Variants in BCL2L13 observed in about 807,000 individuals in gnomAD.
BCL2L13 encodes the protein bcl-2-like protein 13.
A neutral mutation model predicts 25.8 loss-of-function variants in BCL2L13; 13 were observed. The ratio of observed to expected loss-of-function variants is 0.50; its 90% CI spans 0.33 to 0.80. The LOEUF (loss-of-function observed/expected upper bound fraction) is 0.80. BCL2L13 is among the 30% of genes least tolerant of loss of function. The probability of loss-of-function intolerance (pLI) is 0.02; values close to 1 mark genes in which losing one functional copy is unlikely to be tolerated. For synonymous variants in BCL2L13, 244 were observed against 230.3 expected, an observed-to-expected ratio of 1.06 and a Z score of -0.54; for missense variants, 504 against 574.9, an observed-to-expected ratio of 0.88 and a Z score of 1.26.
chr22:17,718,948 C>G (rs1221011451), intron 6 of BCL2L13, among the ~76,000 whole-genome samples: 1 of 151,788 alleles, frequency 6.6e-6, no homozygotes, highest in Non-Finnish European at 1.5e-5. Flanking sequence ...TACTTGAGAT[C>G]AGGAGTTCAA....
chr22:17,727,224 A>G lies in BCL2L13; in HGVS notation c.1148A>G (p.Glu383Gly). ...ATSLFVELDE[E>G]EVKAATTEPT... Reference sequence around the variant, plus strand: ...TCTCTGTTTGTAGAACTTGATGAAGAAGAGGTGAAAGCAGCAACAACTGAA... The same window carrying G: ...TCTCTGTTTGTAGAACTTGATGAAGGAGAGGTGAAAGCAGCAACAACTGAA... The change falls in exon 7 of 7, where the codon GAA becomes GGA. Residue 383 changes from glutamate (E) to glycine (G), a missense_variant. Physicochemically the swap from Glu to Gly is moderately conservative, Grantham distance 98 (BLOSUM62 -2). Transcript: ENST00000317582. 6.2e-7 allele frequency: 1 copy of G among 1,614,250 alleles called. No individual in the cohort carries two copies. Among genetic ancestry groups the G allele is most frequent in the Non-Finnish European group, 8.5e-7 (1 of 1,180,044 alleles).
intron 1 of BCL2L13, among the ~76,000 whole-genome samples, chr22:17,630,217 C>CAAAAA (rs1491147593): frequency 4.2e-5 from 3 of 71,656 alleles, no homozygotes; most frequent in African/African-American, 1.4e-4. Flanking sequence ...GACTCCGTCT[C>CAAAAA]AAAAAAACAA....
chr22:17,647,777 A>G (rs1434804848), intron 1 of BCL2L13, among the ~76,000 whole-genome samples: 4 of 152,236 alleles, frequency 2.6e-5, no homozygotes, highest in African/African-American at 9.6e-5. Flanking sequence ...AACACATAGA[A>G]AAATGCTTTA....
At chr22:17,706,684 G>A in intron 6 of BCL2L13, 1 of 1,345,030 alleles carries the variant, frequency 7.4e-7, no homozygotes, top group Non-Finnish European at 9.8e-7. Flanking sequence ...GCCCGGTGAG[G>A]GCACAGACTG....
At chr22:17,669,564 C>G (rs1315274865) in intron 2 of BCL2L13, among the ~76,000 whole-genome samples, 1 of 152,168 alleles carries the variant, frequency 6.6e-6, no homozygotes, top group Non-Finnish European at 1.5e-5. Flanking sequence ...AAGATGGTAC[C>G]AGGTCATCCA....
chr22:17,721,180 A>AAT (rs1034523805), intron 6 of BCL2L13, among the ~76,000 whole-genome samples: 10 of 151,184 alleles, frequency 6.6e-5, no homozygotes, highest in African/African-American at 1.7e-4. Flanking sequence ...AAAAAAAAAA[A>AAT]ATATATATAT....
At chr22:17,679,087 C>T (rs576582647) in intron 2 of BCL2L13, among the ~76,000 whole-genome samples, 2 of 152,072 alleles carry the variant, frequency 1.3e-5, no homozygotes, top group East Asian at 1.9e-4. Context: ...TCTGGGTGTT[C>T]AGGTAAGTCT....
intron 6 of BCL2L13, among the ~76,000 whole-genome samples, chr22:17,709,236 AAAAAC>A (rs1212732912): frequency 6.6e-6 from 1 of 151,540 alleles, no homozygotes; most frequent in African/African-American, 2.4e-5. Context: ...ACTCCATCTC[AAAAAC>A]AAAACAAAAC....
intron 5 of BCL2L13, 63 bp downstream of exon 5, chr22:17,696,273 G>A (rs2060262230): frequency 1.5e-6 from 2 of 1,303,118 alleles, no homozygotes; most frequent in South Asian, 2.4e-5. Flanking sequence ...GACGTAGGAG[G>A]AATTGCTAGC....
chr22:17,674,291 T>C (rs890273911), intron 2 of BCL2L13, among the ~76,000 whole-genome samples: 4 of 152,108 alleles, frequency 2.6e-5, no homozygotes, highest in African/African-American at 7.2e-5. Flanking sequence ...TAGAATAATA[T>C]GTTTGAGGTT....
intron 6 of BCL2L13, among the ~76,000 whole-genome samples, chr22:17,709,198 T>A (rs1452720123): frequency 6.6e-6 from 1 of 151,376 alleles, no homozygotes; most frequent in Non-Finnish European, 1.5e-5. Flanking sequence ...ACTGCGCCAC[T>A]GCACTCCAGC....
At position 17,726,776 on chromosome 22, in the gene BCL2L13, C is replaced by A; in HGVS notation, c.700C>A (p.Gln234Lys). 6.2e-7 allele frequency: 1 copy of A among 1,614,222 alleles called. No individual in the cohort carries two copies. Among genetic ancestry groups the A allele is most frequent in the Non-Finnish European group, 8.5e-7 (1 of 1,180,050 alleles). The change falls in exon 7 of 7, where the codon CAA (glutamine) becomes AAA (lysine). Residue 234 changes from glutamine (Q) to lysine (K), a missense_variant. Coordinates refer to ENST00000317582, the MANE Select transcript of BCL2L13 (RefSeq NM_015367.4). ...IYILPSDNSG[Q>K]VSPPESPTVT... Reference sequence around the variant, plus strand: ...CATCCTGCCCAGCGACAACTCTGGACAAGTCAGTCCCCCAGAGTCTCCAAC... The same window carrying A: ...CATCCTGCCCAGCGACAACTCTGGAAAAGTCAGTCCCCCAGAGTCTCCAAC...
At chr22:17,722,165 C>G (rs536081940) in intron 6 of BCL2L13, among the ~76,000 whole-genome samples, 4 of 152,110 alleles carry the variant, frequency 2.6e-5, no homozygotes, top group Non-Finnish European at 5.9e-5. Context: ...TTATCTTTGC[C>G]ACAAATCATG....
At chr22:17,644,473 A>G (rs1191674830) in intron 1 of BCL2L13, among the ~76,000 whole-genome samples, 1 of 150,592 alleles carries the variant, frequency 6.6e-6, no homozygotes, top group African/African-American at 2.5e-5. Flanking sequence ...CTGGGACTAC[A>G]AGTGCGTGCC....
chr22:17,643,690 C>T (rs985156271), intron 1 of BCL2L13, among the ~76,000 whole-genome samples: 2 of 151,970 alleles, frequency 1.3e-5, no homozygotes, highest in South Asian at 2.1e-4. Flanking sequence ...TGCAGTGGTG[C>T]GATCTCGGCT....
chr22:17,655,632 A>G, intron 1 of BCL2L13, 30 bp from the exon 2 acceptor site: 1 of 1,532,400 alleles, frequency 6.5e-7, no homozygotes. Flanking sequence ...AATAAACTTT[A>G]AACTGAAAAA....
intron 2 of BCL2L13, among the ~76,000 whole-genome samples, chr22:17,680,070 C>G (rs2059690337): frequency 6.6e-6 from 1 of 151,518 alleles, no homozygotes; most frequent in Non-Finnish European, 1.5e-5. Flanking sequence ...AAAAATTAGC[C>G]GGGCGTGTTG....
At chr22:17,665,469 C>T (rs1403584146) in intron 2 of BCL2L13, among the ~76,000 whole-genome samples, 3 of 152,164 alleles carry the variant, frequency 2.0e-5, no homozygotes, top group African/African-American at 7.2e-5. Flanking sequence ...TCCAAAGTTG[C>T]TTCACATTTT....
intron 2 of BCL2L13, among the ~76,000 whole-genome samples, chr22:17,667,373 G>T (rs1393308628): frequency 6.6e-6 from 1 of 152,120 alleles, no homozygotes; most frequent in East Asian, 1.9e-4. Flanking sequence ...GTTTCGCCAT[G>T]TTGGTCAGGC....
Sources: allele counts gnomAD v4.1 joint callset (sites outside exome capture counted in the v4.1 genomes callset), GRCh38; gene constraint gnomAD v4.1.1; transcripts MANE v1.5; gene names NCBI Gene and HGNC (gene_info 2026-07-23, HGNC 2026-07-21).